The following CAAP1 variants were observed in gnomAD, a reference collection of about 807,000 sequenced individuals.
CAAP1 encodes conserved anti-apoptotic protein.
A neutral mutation model predicts 34.0 loss-of-function variants in CAAP1; 20 were observed. The observed-to-expected ratio is 0.59, with a 90% confidence interval of 0.41 to 0.86. The LOEUF (loss-of-function observed/expected upper bound fraction) is 0.86. Ranked by LOEUF, CAAP1 falls within the 40% of genes least tolerant of loss-of-function variation. The pLI, the probability that CAAP1 is intolerant of heterozygous loss-of-function variation, is 0.00. For missense variants in CAAP1, 538 were observed against 450.5 expected (o/e 1.19, Z -1.76); for synonymous variants, 213 against 166.7 (o/e 1.28, Z -2.14).
intron 2 of CAAP1, 106 bp downstream of exon 2, chr9:26,887,207 G>A (rs767624533): frequency 3.5e-5 from 25 of 711,976 alleles, no homozygotes; most frequent in South Asian, 1.1e-4. Context: ...GCAAGACTCC[G>A]TCTCAAAAAA....
At chr9:26,879,037 G>C (rs564458068) in intron 4 of CAAP1, among the ~76,000 whole-genome samples, 7 of 152,266 alleles carry the variant, frequency 4.6e-5, no homozygotes, top group Non-Finnish European at 1.0e-4. Context: ...CTTCTTCCCT[G>C]AATCTCTTCC....
intron 5 of CAAP1, among the ~76,000 whole-genome samples, chr9:26,859,414 G>C (rs1822953169): frequency 6.6e-6 from 1 of 152,148 alleles, no homozygotes; most frequent in Non-Finnish European, 1.5e-5. Flanking sequence ...TGGCTAATTT[G>C]TGGTCTCCAT....
At chr9:26,857,064 G>T (rs1822886633) in intron 5 of CAAP1, among the ~76,000 whole-genome samples, 1 of 152,058 alleles carries the variant, frequency 6.6e-6, no homozygotes, top group African/African-American at 2.4e-5. Flanking sequence ...TAAAAATATT[G>T]TCTACAAATG....
chr9:26,854,108 G>A (rs1014676392), intron 5 of CAAP1, among the ~76,000 whole-genome samples: 1 of 152,128 alleles, frequency 6.6e-6, no homozygotes, highest in South Asian at 2.1e-4. Context: ...GAAACTGCCA[G>A]GTTGATACTG....
chr9:26,845,764 C>T (rs1404676761), intron 5 of CAAP1, among the ~76,000 whole-genome samples: 1 of 152,196 alleles, frequency 6.6e-6, no homozygotes, highest in African/African-American at 2.4e-5. Flanking sequence ...ACATTAGTCT[C>T]TCTCATAAGG....
intron 4 of CAAP1, among the ~76,000 whole-genome samples, chr9:26,870,991 T>C (rs1259442746): frequency 2.0e-5 from 3 of 152,158 alleles, no homozygotes; most frequent in African/African-American, 4.8e-5. Flanking sequence ...AATGCAGTTC[T>C]ATAGAGCACA....
intron 5 of CAAP1, among the ~76,000 whole-genome samples, chr9:26,848,447 C>T (rs775854605): frequency 6.6e-6 from 1 of 152,042 alleles, no homozygotes; most frequent in Non-Finnish European, 1.5e-5. Context: ...ACCCGGGAGG[C>T]GGAGCTTGCA....
chr9:26,880,428 CA>C (rs2131334571), intron 4 of CAAP1: 1 of 243,540 alleles, frequency 4.1e-6, no homozygotes, highest in South Asian at 4.9e-5. Context: ...AGGCCTGTAA[CA>C]ATGAGGTTTC....
rs147123743 is a variant in CAAP1 at position 26,844,353 on chromosome 9, G to A, written c.740-1706C>T. Among the ~76,000 whole-genome samples the A allele has an allele frequency of 2.6e-3, 393 of 151,194 alleles. 4 individuals carry two copies. Among genetic ancestry groups the A allele is most frequent in the African/African-American group, 9.0e-3 (371 of 41,356 alleles). ...GCCTGGGCAATAAGGGTGAAACTCC[G>A]TCTCAAAAAAAAAAGAAAATAAGTG... On this transcript the variant is annotated intron_variant, in intron 5 of 5. Coordinates refer to ENST00000333916, the MANE Select transcript of CAAP1 (RefSeq NM_024828.4).
intron 4 of CAAP1, among the ~76,000 whole-genome samples, chr9:26,874,024 G>A (rs553258891): frequency 2.0e-5 from 3 of 151,844 alleles, no homozygotes; most frequent in African/African-American, 7.2e-5. Flanking sequence ...TGGCTAACAT[G>A]GTGAAACCCC....
At position 26,884,873 on chromosome 9, in the gene CAAP1, A is replaced by C. The variant is rs570695283; in HGVS notation, c.602T>G (p.Met201Arg). 1.9e-6 allele frequency: 3 copies of C among 1,607,092 alleles called. No individual in the cohort carries two copies. The highest frequency in any genetic ancestry group is 3.3e-5 in the Admixed American group (2 of 59,970). The change falls in exon 4 of 6, where the codon ATG (methionine) becomes AGG (arginine). Residue 201 changes from methionine (M) to arginine (R), a missense_variant. Met to Arg is a moderately conservative substitution (Grantham distance 91, BLOSUM62 -1). This residue lies in a region of CAAP1 where 514 missense variants were observed against 408.4 expected (regional missense o/e 1.26). Coordinates refer to ENST00000333916, the MANE Select transcript of CAAP1 (RefSeq NM_024828.4). ...ILKILEGDNGMDSDMEEEADD... is the reference protein window; with the variant it reads ...ILKILEGDNGRDSDMEEEADD... ...TGCTTCCTCTTCCATATCAGAGTCC[A>C]TTCCATTGTCACCTTATAAATGAAA...
rs774430863 is a variant in CAAP1, at chr9:26,887,448, T to C, written c.369A>G (p.Glu123=). Residue 123 remains glutamate (E), a synonymous_variant, in exon 2 of 6, where the codon GAA becomes GAG. Transcript: ENST00000333916. ...ELFLAEHSDL[E]EGGLDLTVSL... ...ACACAGTCAGGTCCAGTCCACCTTC[T>C]TCAAGGTCACTGTGCTCTGCCAAGA... The C allele has an allele frequency of 8.1e-6, 13 of 1,613,578 alleles. No homozygotes were observed. The highest frequency in any genetic ancestry group is 6.7e-5 in the Admixed American group (4 of 59,938).
intron 5 of CAAP1, among the ~76,000 whole-genome samples, chr9:26,843,594 G>GTT (rs555327004): frequency 1.4e-5 from 2 of 145,798 alleles, no homozygotes; most frequent in African/African-American, 2.5e-5. Context: ...CCATGAATAT[G>GTT]TTTTTTTTTT....
chr9:26,882,969 G>C (rs906306781), intron 4 of CAAP1, among the ~76,000 whole-genome samples: 1 of 152,114 alleles, frequency 6.6e-6, no homozygotes, highest in African/African-American at 2.4e-5. Flanking sequence ...CATTTGGAAG[G>C]GGTGTATTTA....
At chr9:26,885,489 C>T (rs1232249299) in intron 3 of CAAP1, among the ~76,000 whole-genome samples, 1 of 151,976 alleles carries the variant, frequency 6.6e-6, no homozygotes, top group Non-Finnish European at 1.5e-5. Context: ...AAAATGCCAT[C>T]AATTTTACAT....
At chr9:26,880,281 A>G (rs1350736033) in intron 4 of CAAP1, 2 of 403,280 alleles carry the variant, frequency 5.0e-6, no homozygotes, top group Non-Finnish European at 9.7e-6. Flanking sequence ...CAAAGCACCA[A>G]TAGCTGCGCT....
In CAAP1 at chr9:26,840,744, G is replaced by A. The variant is rs937526912; in HGVS notation, c.*1557C>T. 4.6e-5 allele frequency: 7 copies of A among 152,152 alleles called. No individual in the cohort carries two copies. The highest frequency in any genetic ancestry group is 1.3e-4 in the Admixed American group (2 of 15,284). 9.4% of individuals were successfully genotyped at this position (152,152 alleles called of 1,614,324 possible). On this transcript the variant is annotated 3_prime_UTR_variant, in exon 6 of 6. Coordinates refer to ENST00000333916, the MANE Select transcript of CAAP1 (RefSeq NM_024828.4). Reference sequence around the variant, plus strand: ...CCCTCAGACCTGTTTTACTTTATATGTTTAATCATACAGATGCCATCTACA... The same window carrying A: ...CCCTCAGACCTGTTTTACTTTATATATTTAATCATACAGATGCCATCTACA...
In CAAP1 at chr9:26,884,876, C is replaced by G. The variant is rs1823691913; in HGVS notation, c.599G>C (p.Gly200Ala). ...KILKILEGDNGMDSDMEEEAD... is the reference protein window; with the variant it reads ...KILKILEGDNAMDSDMEEEAD... ...TTCCTCTTCCATATCAGAGTCCATT[C>G]CATTGTCACCTTATAAATGAAAGAA... Residue 200 changes from glycine (G) to alanine (A), a missense_variant, in exon 4 of 6, where the codon GGA becomes GCA. Gly to Ala is a moderately conservative substitution (Grantham distance 60, BLOSUM62 0). Transcript: ENST00000333916. 1.2e-6 allele frequency: 2 copies of G among 1,605,356 alleles called. No homozygotes were observed. The highest frequency in any genetic ancestry group is 8.5e-7 in the Non-Finnish European group (1 of 1,176,156).
At chr9:26,848,549 T>G (rs532605915) in intron 5 of CAAP1, among the ~76,000 whole-genome samples, 2 of 152,346 alleles carry the variant, frequency 1.3e-5, no homozygotes, top group African/African-American at 4.8e-5. Context: ...TATGTTTGTT[T>G]ACTTTCATTG....
Sources: gnomAD v4.1 joint callset for allele counts (sites outside exome capture counted in the v4.1 genomes callset) on GRCh38, gnomAD v4.1.1 for gene constraint, gnomAD v4.1.1 regional missense constraint, MANE v1.5 for transcripts, NCBI Gene and HGNC (gene_info 2026-07-23, HGNC 2026-07-21) for gene names.